The following CSMD1 variants were observed in gnomAD, a reference collection of about 807,000 sequenced individuals.
CSMD1 encodes the protein CUB and Sushi multiple domains 1, also known as CUB and sushi domain-containing protein 1.
Under a neutral mutation model 417.5 loss-of-function variants are expected in CSMD1, and 213 were observed. That is an observed-to-expected ratio of 0.51 (90% CI 0.46 to 0.57). The LOEUF is 0.57. Among genes scored for constraint, CSMD1 ranks in the 20% least tolerant of loss-of-function variants. The probability of loss-of-function intolerance (pLI) is 0.00; values close to 1 mark genes in which losing one functional copy is unlikely to be tolerated. For missense variants in CSMD1, 6,923 were observed against 4,529.7 expected (o/e 1.53, Z -15.17); for synonymous variants, 2,862 against 1,736.8 (o/e 1.65, Z -16.11).
intron 20 of CSMD1, among the ~76,000 whole-genome samples, chr8:3,359,825 C>T (rs189653436): frequency 2.0e-4 from 30 of 152,280 alleles, no homozygotes; most frequent in Admixed American, 1.7e-3. Context: ...GTTTGTCACA[C>T]ATTCTACTCA....
chr8:4,781,740 A>G (rs559728201), intron 1 of CSMD1, among the ~76,000 whole-genome samples: 1 of 152,190 alleles, frequency 6.6e-6, no homozygotes, highest in African/African-American at 2.4e-5. Context: ...AATGCTTACT[A>G]TATGGTAACC....
chr8:4,564,333 C>T (rs1042467508), intron 2 of CSMD1, among the ~76,000 whole-genome samples: 1 of 152,074 alleles, frequency 6.6e-6, no homozygotes, highest in East Asian at 1.9e-4. Context: ...TTTATTTTGT[C>T]TGTCTAGGCT....
chr8:3,552,445 G>C (rs768058277), intron 10 of CSMD1, among the ~76,000 whole-genome samples: 10 of 152,062 alleles, frequency 6.6e-5, no homozygotes, highest in Non-Finnish European at 1.2e-4. Context: ...AGGGATTGTT[G>C]TTAGGCAGTT....
intron 3 of CSMD1, among the ~76,000 whole-genome samples, chr8:4,330,868 G>A (rs1197900222): frequency 1.3e-5 from 2 of 152,200 alleles, no homozygotes; most frequent in African/African-American, 4.8e-5. Flanking sequence ...CAGCTCAGCA[G>A]GAATGTCAGT....
chr8:3,164,594 T>C (rs1820098391), intron 37 of CSMD1, among the ~76,000 whole-genome samples: 2 of 152,182 alleles, frequency 1.3e-5, no homozygotes. Context: ...TCTCTGAGTT[T>C]TTTATTTCCC....
intron 1 of CSMD1, among the ~76,000 whole-genome samples, chr8:4,896,542 G>T (rs1006960977): frequency 6.6e-6 from 1 of 152,064 alleles, no homozygotes; most frequent in Non-Finnish European, 1.5e-5. Flanking sequence ...CATGTCTTCA[G>T]ATACTTCCTT....
At chr8:3,176,157 C>G (rs778014806) in intron 37 of CSMD1, among the ~76,000 whole-genome samples, 2 of 151,786 alleles carry the variant, frequency 1.3e-5, no homozygotes, top group Non-Finnish European at 2.9e-5. Flanking sequence ...GTGAAGAAGG[C>G]CTGAAAGTGA....
rs916768847 is a variant in CSMD1 at position 3,197,297 on chromosome 8, C to T, written c.5194+2417G>A. On this transcript the variant is annotated intron_variant, in intron 33 of 69. Transcript: ENST00000635120. ...TTTTTCACTGTAGACCCCAGCAGCT[C>T]TTTATAACAGAACTGTGTCTGTTAA... Among the ~76,000 whole-genome samples the T allele has an allele frequency of 6.6e-5, 10 of 152,086 alleles. No individual in the cohort carries two copies. In the South Asian group the frequency reaches 1.0e-3, roughly 16 times the overall value.
chr8:4,053,447 G>A (rs541251093), intron 3 of CSMD1, among the ~76,000 whole-genome samples: 1 of 151,386 alleles, frequency 6.6e-6, no homozygotes. Flanking sequence ...GGTCTCGGTG[G>A]GGAACCCTAC....
chr8:2,958,786 C>T (rs543342013), intron 62 of CSMD1, among the ~76,000 whole-genome samples: 1 of 152,352 alleles, frequency 6.6e-6, no homozygotes, highest in South Asian at 2.1e-4. Flanking sequence ...GAATTCCCCT[C>T]TTGTTTCTTG....
intron 1 of CSMD1, among the ~76,000 whole-genome samples, chr8:4,947,820 T>C (rs1458245044): frequency 6.6e-6 from 1 of 152,148 alleles, no homozygotes; most frequent in Non-Finnish European, 1.5e-5. Flanking sequence ...ATCAAGTTTT[T>C]GCATATAGCT....
Position 4,726,937 on chromosome 8 carries a change from T to A in CSMD1, c.86-89379A>T, listed in dbSNP as rs573617387. On this transcript the variant is annotated intron_variant, in intron 1 of 69. Transcript: ENST00000635120. ...CTTTTTATGAATTTCTTCTGGGGATTGTACATATGTACTTAAAAAAAATAC... is the reference window on the plus strand; with the variant it reads ...CTTTTTATGAATTTCTTCTGGGGATAGTACATATGTACTTAAAAAAAATAC... 5.7e-4 allele frequency among the ~76,000 whole-genome samples: 87 copies of A among 152,288 alleles called. 1 individual carries two copies. The highest frequency in any genetic ancestry group is 2.0e-3 in the African/African-American group (82 of 41,546).
At chr8:4,585,918 A>T (rs948377770) in intron 2 of CSMD1, among the ~76,000 whole-genome samples, 1 of 152,238 alleles carries the variant, frequency 6.6e-6, no homozygotes, top group Non-Finnish European at 1.5e-5. Flanking sequence ...TGGGAAAATT[A>T]TATGTAACAA....
At chr8:4,621,530 A>C (rs887834298) in intron 2 of CSMD1, among the ~76,000 whole-genome samples, 2 of 152,138 alleles carry the variant, frequency 1.3e-5, no homozygotes, top group Non-Finnish European at 2.9e-5. Flanking sequence ...TACAGCCCTA[A>C]ATCTAGAATA....
At chr8:4,164,538 G>A (rs1385828619) in intron 3 of CSMD1, among the ~76,000 whole-genome samples, 2 of 152,088 alleles carry the variant, frequency 1.3e-5, no homozygotes, top group East Asian at 1.9e-4. Flanking sequence ...CTAGATATAA[G>A]CTGTTGTATA....
chr8:4,397,014 A>C (rs963814234), intron 3 of CSMD1, among the ~76,000 whole-genome samples: 1 of 151,406 alleles, frequency 6.6e-6, no homozygotes, highest in African/African-American at 2.4e-5. Context: ...TCTGTTCCCT[A>C]AAAATCTAAT....
At chr8:4,355,022 G>A (rs988697653) in intron 3 of CSMD1, among the ~76,000 whole-genome samples, 4 of 152,020 alleles carry the variant, frequency 2.6e-5, no homozygotes, top group African/African-American at 9.6e-5. Flanking sequence ...CAGCACTTTG[G>A]GAGGCCGAGG....
chr8:4,661,582 C>A (rs1804611078), intron 1 of CSMD1, among the ~76,000 whole-genome samples: 1 of 152,048 alleles, frequency 6.6e-6, no homozygotes, highest in African/African-American at 2.4e-5. Context: ...ATCTCAATAC[C>A]TTAGCTGTGA....
chr8:4,114,374 C>A (rs989612362), intron 3 of CSMD1, among the ~76,000 whole-genome samples: 3 of 152,156 alleles, frequency 2.0e-5, no homozygotes, highest in African/African-American at 7.2e-5. Flanking sequence ...ACTGTTGAGA[C>A]CTACTGCTAG....
Sources: allele counts gnomAD v4.1 joint callset (sites outside exome capture counted in the v4.1 genomes callset), GRCh38; gene constraint gnomAD v4.1.1; transcripts MANE v1.5; gene names NCBI Gene and HGNC (gene_info 2026-07-23, HGNC 2026-07-21).